KCNIP4: variants seen among roughly 807,000 people sequenced by gnomAD.
The protein encoded by KCNIP4 is Kv channel-interacting protein 4.
KCNIP4 carries 12 observed loss-of-function variants against 34.0 expected under a neutral mutation model. The observed-to-expected ratio is 0.35, with a 90% confidence interval of 0.23 to 0.57. The LOEUF (loss-of-function observed/expected upper bound fraction) is 0.57. Ranked by LOEUF, KCNIP4 falls within the 20% of genes least tolerant of loss-of-function variation. The pLI is 0.83. For synonymous variants in KCNIP4, 124 were observed against 102.2 expected (o/e 1.21, Z -1.29); for missense variants, 238 against 311.7 (o/e 0.76, Z 1.78).
At chr4:21,509,163 G>GA (rs1472194721) in intron 1 of KCNIP4, among the ~76,000 whole-genome samples, 1 of 152,098 alleles carries the variant, frequency 6.6e-6, no homozygotes, top group Non-Finnish European at 1.5e-5. Context: ...AGATTTCTAT[G>GA]AAAACTGGGA....
intron 1 of KCNIP4, among the ~76,000 whole-genome samples, chr4:20,896,670 A>G (rs763308478): frequency 6.6e-6 from 1 of 152,184 alleles, no homozygotes; most frequent in Non-Finnish European, 1.5e-5. Context: ...TGGAGACCTT[A>G]ATGAAGACTT....
rs146059197 is a variant in KCNIP4 at position 21,501,595 on chromosome 4, G to T, written c.61+446976C>A. 8.0e-4 allele frequency among the ~76,000 whole-genome samples: 121 copies of T among 151,622 alleles called. 2 individuals are homozygous for T. The highest frequency in any genetic ancestry group is 2.7e-3 in the African/African-American group (113 of 41,282). ...GGTTTTGTTTCTCCAAAGGTCTTTC[G>T]CAGTCTTCCCAGTTCTGAATGGCAA... On this transcript the variant is annotated intron_variant, in intron 1 of 8. Transcript: ENST00000382152.
intron 1 of KCNIP4, among the ~76,000 whole-genome samples, chr4:21,290,805 G>T (rs370437930): frequency 1.3e-5 from 2 of 152,138 alleles, no homozygotes; most frequent in Non-Finnish European, 2.9e-5. Context: ...CCTTTTCAAG[G>T]TCAGGAAGGG....
chr4:21,372,982 T>A (rs1422652111), intron 1 of KCNIP4, among the ~76,000 whole-genome samples: 1 of 146,068 alleles, frequency 6.8e-6, no homozygotes, highest in Non-Finnish European at 1.5e-5. Context: ...TTTAAGTGAC[T>A]GGATGCCTAC....
At chr4:21,688,709 C>A (rs1751004081) in intron 1 of KCNIP4, among the ~76,000 whole-genome samples, 1 of 152,056 alleles carries the variant, frequency 6.6e-6, no homozygotes, top group Non-Finnish European at 1.5e-5. Flanking sequence ...GACAACAGGA[C>A]CCTCTGTTGG....
chr4:21,537,659 C>A lies in KCNIP4; in HGVS notation c.61+410912G>T, dbSNP rs80279810. 1.1e-3 allele frequency among the ~76,000 whole-genome samples: 163 copies of A among 152,158 alleles called. 1 individual carries two copies. The highest frequency in any genetic ancestry group is 1.0e-3 in the Non-Finnish European group (68 of 68,004). ...AAATATAATCAAGTCAAGATTAAGT[C>A]ATACTGTATTAGAGAGGGCCCTGAA... On this transcript the variant is annotated intron_variant, in intron 1 of 8. Coordinates refer to ENST00000382152, the MANE Select transcript of KCNIP4 (RefSeq NM_025221.6).
At chr4:21,786,566 G>A (rs2109224191) in intron 1 of KCNIP4, among the ~76,000 whole-genome samples, 1 of 117,800 alleles carries the variant, frequency 8.5e-6, no homozygotes, top group African/African-American at 3.2e-5. Context: ...AGCATAGAGA[G>A]TCACTCTTTT....
chr4:20,869,472 G>A (rs1223045159), intron 2 of KCNIP4, among the ~76,000 whole-genome samples: 1 of 152,000 alleles, frequency 6.6e-6, no homozygotes, highest in African/African-American at 2.4e-5. Flanking sequence ...ATAATGAGTA[G>A]TAGTATTAGA....
chr4:21,514,854 T>A (rs958766489), intron 1 of KCNIP4, among the ~76,000 whole-genome samples: 13 of 152,192 alleles, frequency 8.5e-5, no homozygotes, highest in Non-Finnish European at 1.9e-4. Context: ...CTAAGCCTGA[T>A]GTATTCATCT....
chr4:20,976,996 G>C (rs1004455569), intron 1 of KCNIP4, among the ~76,000 whole-genome samples: 1 of 151,886 alleles, frequency 6.6e-6, no homozygotes, highest in African/African-American at 2.4e-5. Context: ...ACCACGCCTG[G>C]CTAATTTTGT....
chr4:21,784,599 GA>G (rs1157116499), intron 1 of KCNIP4, among the ~76,000 whole-genome samples: 2 of 151,906 alleles, frequency 1.3e-5, no homozygotes, highest in Non-Finnish European at 2.9e-5. Flanking sequence ...ATTTTTATCT[GA>G]AAAAATAAAT....
intron 1 of KCNIP4, among the ~76,000 whole-genome samples, chr4:21,302,845 G>A (rs1413218522): frequency 6.6e-6 from 1 of 152,140 alleles, no homozygotes; most frequent in Non-Finnish European, 1.5e-5. Context: ...CCATTCTCTG[G>A]AGGGCTGGAT....
intron 1 of KCNIP4, among the ~76,000 whole-genome samples, chr4:21,386,089 C>A (rs1457670480): frequency 1.3e-5 from 2 of 152,132 alleles, no homozygotes; most frequent in East Asian, 1.9e-4. Flanking sequence ...TTTTTAGTAG[C>A]AGATAATGTA....
chr4:21,461,021 G>A lies in KCNIP4; in HGVS notation c.61+487550C>T, dbSNP rs1390733927. On this transcript the variant is annotated intron_variant, in intron 1 of 8. Transcript: ENST00000382152. The stretch of plus-strand genomic sequence containing the variant: ...CAAATTGACAATGCTGCCAAGAATA[G>A]TCATATGGTTTGGCTCTGTGTCTGC... Among the ~76,000 whole-genome samples the A allele has an allele frequency of 2.0e-5, 3 of 152,082 alleles. 1 individual carries two copies. The highest frequency in any genetic ancestry group is 4.1e-4 in the South Asian group (2 of 4,830).
At chr4:21,743,193 A>G (rs1006463104) in intron 1 of KCNIP4, among the ~76,000 whole-genome samples, 3 of 152,144 alleles carry the variant, frequency 2.0e-5, no homozygotes, top group Admixed American at 1.3e-4. Context: ...GGAGTTCAGA[A>G]GTACAAAATC....
intron 1 of KCNIP4, among the ~76,000 whole-genome samples, chr4:21,171,748 C>T (rs763116944): frequency 3.9e-5 from 6 of 152,018 alleles, no homozygotes; most frequent in Non-Finnish European, 4.4e-5. Flanking sequence ...CCATGTTGCC[C>T]GGGAAGAATA....
At chr4:21,379,770 A>G (rs868703868) in intron 1 of KCNIP4, among the ~76,000 whole-genome samples, 1 of 152,164 alleles carries the variant, frequency 6.6e-6, no homozygotes, top group Non-Finnish European at 1.5e-5. Flanking sequence ...TATCTCTTTC[A>G]GAAAGATTCA....
At chr4:21,281,087 C>CT (rs375309491) in intron 1 of KCNIP4, among the ~76,000 whole-genome samples, 14,072 of 133,162 alleles carry the variant, frequency 0.11, 1,227 homozygotes, top group African/African-American at 0.22. Flanking sequence ...ACATTTTCTT[C>CT]TTTTTTTTTT....
At chr4:21,507,094 C>G (rs1194272877) in intron 1 of KCNIP4, among the ~76,000 whole-genome samples, 2 of 151,712 alleles carry the variant, frequency 1.3e-5, no homozygotes, top group Non-Finnish European at 2.9e-5. Flanking sequence ...GGCAATAATA[C>G]TTTTTCTTTA....
Sources: gnomAD v4.1 joint callset for allele counts (sites outside exome capture counted in the v4.1 genomes callset) on GRCh38, gnomAD v4.1.1 for gene constraint, MANE v1.5 for transcripts, NCBI Gene and HGNC (gene_info 2026-07-23, HGNC 2026-07-21) for gene names.